The following ZNF407 variants were observed in gnomAD, a reference collection of about 807,000 sequenced individuals.
ZNF407 encodes the protein zinc finger protein 407.
In ZNF407, 17 loss-of-function variants were observed where a neutral mutation model predicts 131.2. That is an observed-to-expected ratio of 0.13 (90% CI 0.09 to 0.19). The LOEUF is 0.19. Among genes scored for constraint, ZNF407 ranks in the 10% least tolerant of loss-of-function variants. The pLI, the probability that ZNF407 is intolerant of heterozygous loss-of-function variation, is 1.00. For synonymous variants in ZNF407, 1,156 were observed against 1,062.0 expected, an observed-to-expected ratio of 1.09 and a Z score of -1.72; for missense variants, 2,681 against 2,830.6, an observed-to-expected ratio of 0.95 and a Z score of 1.20.
intron 8 of ZNF407, among the ~76,000 whole-genome samples, chr18:74,936,258 C>T (rs1413711979): frequency 1.3e-5 from 2 of 152,078 alleles, no homozygotes; most frequent in Admixed American, 1.3e-4. Flanking sequence ...GTGTGTTTAT[C>T]TTCTAGGCAT....
chr18:74,733,001 A>T (rs1473661072), intron 3 of ZNF407, among the ~76,000 whole-genome samples: 3 of 152,162 alleles, frequency 2.0e-5, no homozygotes, highest in Non-Finnish European at 4.4e-5. Flanking sequence ...AATAAGATTT[A>T]ATATTCTTTG....
intron 3 of ZNF407, among the ~76,000 whole-genome samples, chr18:74,753,762 T>C (rs1273458942): frequency 2.0e-5 from 3 of 152,240 alleles, no homozygotes; most frequent in Non-Finnish European, 4.4e-5. Flanking sequence ...TGCCAGTATT[T>C]TATTGAGGAT....
At chr18:74,775,105 A>T (rs1448319189) in intron 3 of ZNF407, among the ~76,000 whole-genome samples, 1 of 152,240 alleles carries the variant, frequency 6.6e-6, no homozygotes, top group East Asian at 1.9e-4. Flanking sequence ...ATAAAAGGAT[A>T]AACCTTCAAC....
intron 3 of ZNF407, among the ~76,000 whole-genome samples, chr18:74,710,420 G>A (rs1212134214): frequency 6.6e-6 from 1 of 152,130 alleles, no homozygotes; most frequent in East Asian, 1.9e-4. Flanking sequence ...TGTTCTTCCT[G>A]TGCTGCTTTT....
At chr18:74,818,171 C>T (rs946125719) in intron 4 of ZNF407, among the ~76,000 whole-genome samples, 2 of 152,182 alleles carry the variant, frequency 1.3e-5, no homozygotes, top group Non-Finnish European at 2.9e-5. Flanking sequence ...GTGAGTCCGC[C>T]TGTGCCCATG....
rs946190991 is a variant in ZNF407 at position 74,990,800 on chromosome 18, G to A, written c.5428+70108G>A. On this transcript the variant is annotated intron_variant, in intron 8 of 8. Coordinates refer to ENST00000299687, the MANE Select transcript of ZNF407 (RefSeq NM_017757.3). The stretch of plus-strand genomic sequence containing the variant: ...GGATTTGTGCACCATACAGCTTTGC[G>A]AAATGTGAAATTGCCCTATGGATGA... Among the ~76,000 whole-genome samples, 15 of 152,186 alleles carry A rather than the reference G, an allele frequency of 9.9e-5. No homozygotes were observed. The East Asian group carries it at 1.9e-3, about 20-fold the overall frequency.
chr18:74,607,037 A>T (rs546646228), intron 1 of ZNF407, among the ~76,000 whole-genome samples: 23 of 152,330 alleles, frequency 1.5e-4, no homozygotes, highest in Admixed American at 9.2e-4. Context: ...CTCATCGTCT[A>T]CTAGGAAAGC....
chr18:74,646,506 T>A (rs1324780898), intron 3 of ZNF407, among the ~76,000 whole-genome samples: 1 of 152,236 alleles, frequency 6.6e-6, no homozygotes, highest in African/African-American at 2.4e-5. Flanking sequence ...TTTTGTTGAA[T>A]ATTTTTGTCT....
At chr18:74,718,101 A>G (rs1038086422) in intron 3 of ZNF407, among the ~76,000 whole-genome samples, 1 of 152,124 alleles carries the variant, frequency 6.6e-6, no homozygotes, top group African/African-American at 2.4e-5. Context: ...TTTAAAGTAT[A>G]CATTTTGATG....
intron 8 of ZNF407, among the ~76,000 whole-genome samples, chr18:75,051,325 A>G (rs1229400799): frequency 6.6e-6 from 1 of 152,218 alleles, no homozygotes; most frequent in Non-Finnish European, 1.5e-5. Flanking sequence ...AAATGTGACA[A>G]ACTACAAAAG....
chr18:74,953,994 G>A (rs115716636), intron 8 of ZNF407, among the ~76,000 whole-genome samples: 1,650 of 152,288 alleles, frequency 0.011, 33 homozygotes, highest in African/African-American at 0.037. Context: ...GTGCATGTGC[G>A]TGCACGTGGA....
rs953431636 is a variant in ZNF407, at chr18:74,609,010, T to C, written c.-54+11073T>C. ...AAGTTTGAAACAAATGAACATAATA[T>C]CAGAATCTTTTGAGTTTGACTTTAA... On this transcript the variant is annotated intron_variant, in intron 1 of 8. Transcript: ENST00000299687. Among the ~76,000 whole-genome samples the C allele has an allele frequency of 3.9e-5, 6 of 152,306 alleles. No homozygotes were observed. In the East Asian group the frequency reaches 1.2e-3, roughly 29 times the overall value.
chr18:74,745,518 T>C (rs1190729445), intron 3 of ZNF407, among the ~76,000 whole-genome samples: 2 of 152,234 alleles, frequency 1.3e-5, no homozygotes, highest in Non-Finnish European at 2.9e-5. Context: ...TTATAAAATG[T>C]AATCATTTGG....
chr18:74,974,968 A>AT (rs1972512203), intron 8 of ZNF407, among the ~76,000 whole-genome samples: 1 of 152,212 alleles, frequency 6.6e-6, no homozygotes, highest in South Asian at 2.1e-4. Flanking sequence ...CGATCTACTG[A>AT]TTTTTATGTA....
intron 8 of ZNF407, among the ~76,000 whole-genome samples, chr18:75,036,983 C>T (rs1047961912): frequency 6.6e-6 from 1 of 152,180 alleles, no homozygotes; most frequent in East Asian, 1.9e-4. Context: ...TTGGCAGCGT[C>T]GAGCTGAGGC....
chr18:74,684,388 C>T (rs1967051054), intron 3 of ZNF407, among the ~76,000 whole-genome samples: 1 of 152,096 alleles, frequency 6.6e-6, no homozygotes. Context: ...TAACATCTTT[C>T]TATGAATCCT....
At chr18:74,976,203 A>T (rs1972526672) in intron 8 of ZNF407, among the ~76,000 whole-genome samples, 1 of 152,150 alleles carries the variant, frequency 6.6e-6, no homozygotes, top group African/African-American at 2.4e-5. Context: ...AGGAATAACC[A>T]CCCTGTGGAA....
chr18:74,761,789 G>C (rs1969101346), intron 3 of ZNF407, among the ~76,000 whole-genome samples: 1 of 152,020 alleles, frequency 6.6e-6, no homozygotes, highest in Non-Finnish European at 1.5e-5. Flanking sequence ...CACATTTTTG[G>C]TAATTTTGGT....
At chr18:75,009,147 C>G (rs1014683291) in intron 8 of ZNF407, among the ~76,000 whole-genome samples, 1 of 152,166 alleles carries the variant, frequency 6.6e-6, no homozygotes, top group Non-Finnish European at 1.5e-5. Flanking sequence ...TACAAAAATA[C>G]TATCTCTCAC....
Sources: gnomAD v4.1 joint callset for allele counts (sites outside exome capture counted in the v4.1 genomes callset) on GRCh38, gnomAD v4.1.1 for gene constraint, MANE v1.5 for transcripts, NCBI Gene and HGNC (gene_info 2026-07-23, HGNC 2026-07-21) for gene names.